The following LRRC71 variants were observed in gnomAD, a reference collection of about 807,000 sequenced individuals.
LRRC71 encodes the protein leucine rich repeat containing 71, also known as leucine-rich repeat-containing protein 71.
Under a neutral mutation model 66.6 loss-of-function variants are expected in LRRC71, and 54 were observed. That is an observed-to-expected ratio of 0.81 (90% CI 0.65 to 1.02). The LOEUF (loss-of-function observed/expected upper bound fraction) is 1.02. Ranked by LOEUF, LRRC71 falls within the 50% of genes least tolerant of loss-of-function variation. LRRC71 has a pLI of 0.00. For missense variants in LRRC71, 724 were observed against 718.0 expected (o/e 1.01, Z -0.10); for synonymous variants, 323 against 303.9 (o/e 1.06, Z -0.65).
At chr1:156,929,004 T>C (rs1476465836) in intron 9 of LRRC71, among the ~76,000 whole-genome samples, 1 of 152,176 alleles carries the variant, frequency 6.6e-6, no homozygotes, top group South Asian at 2.1e-4. Context: ...GGCACTTAGC[T>C]CAATAAAAGC....
chr1:156,933,704 TC>T (rs1315473794), downstream of LRRC71, among the ~76,000 whole-genome samples: 1 of 152,164 alleles, frequency 6.6e-6, no homozygotes, highest in East Asian at 1.9e-4. Flanking sequence ...CAGTGCTGCC[TC>T]CATTGAGGTC....
At chr1:156,925,127 G>T in intron 5 of LRRC71, 112 bp downstream of exon 5, 1 of 966,268 alleles carries the variant, frequency 1.0e-6, no homozygotes, top group Non-Finnish European at 1.6e-6. Flanking sequence ...GGCCTGCCTG[G>T]CATCCCTGTG....
chr1:156,938,346 G>T, the LRRC71 span: 1 of 1,413,376 alleles, frequency 7.1e-7, no homozygotes. Flanking sequence ...ATGGGCAGGG[G>T]TCCGACTCTG....
chr1:156,924,440 G>A lies in LRRC71; in HGVS notation c.327G>A (p.Ser109=), dbSNP rs908143583. 20 of 1,550,680 alleles carry A rather than the reference G, an allele frequency of 1.3e-5. No homozygotes were observed. In the African/African-American group the frequency reaches 2.3e-4, roughly 18 times the overall value. ...EKATLDDPRL[S]GSCSLNSLES... ...GCCTTCCAGACGATCCGCGGCTGTC[G>A]GGGTCCTGCAGCCTCAATAGCCTGG... The change falls in exon 3 of 15, where the codon TCG becomes TCA. Residue 109 remains serine (S), a synonymous_variant. Coordinates refer to ENST00000337428, the MANE Select transcript of LRRC71 (RefSeq NM_144702.3).
downstream of LRRC71, chr1:156,935,167 G>A (rs1199847717): frequency 6.6e-6 from 1 of 152,454 alleles, no homozygotes; most frequent in African/African-American, 2.4e-5. Flanking sequence ...TGCTTCACTG[G>A]TTTTCTACAG....
Position 156,931,929 on chromosome 1 carries a change from C to A in LRRC71, c.1343C>A (p.Ala448Asp). Reference protein sequence around the residue: ...ILLESELVVEATEVVNPLLEP... With the variant: ...ILLESELVVEDTEVVNPLLEP... Reference sequence around the variant, plus strand: ...CTGCTTTAGCAGCTGGTTGTTGAGGCTACTGAGGTGGTCAACCCTCTCCTG... The same window carrying A: ...CTGCTTTAGCAGCTGGTTGTTGAGGATACTGAGGTGGTCAACCCTCTCCTG... The change falls in exon 13 of 15, where the codon GCT becomes GAT. Residue 448 changes from alanine (A) to aspartate (D), a missense_variant. Transcript: ENST00000337428. The A allele has an allele frequency of 1.9e-6, 3 of 1,588,048 alleles. No homozygotes were observed. The East Asian group carries it at 6.8e-5, about 36-fold the overall frequency.
intron 5 of LRRC71, 156 bp from the exon 6 acceptor site, chr1:156,927,046 G>T: frequency 1.5e-6 from 1 of 680,876 alleles, no homozygotes; most frequent in Non-Finnish European, 2.5e-6. Context: ...TGAATTTTTA[G>T]TCTGGGGAAT....
downstream of LRRC71, chr1:156,937,271 G>A (rs1402916016): frequency 2.2e-5 from 36 of 1,613,896 alleles, no homozygotes; most frequent in Middle Eastern, 1.6e-4. Flanking sequence ...GAGCTTGAGA[G>A]TGAGCTGCTC....
chr1:156,929,560 C>G, intron 10 of LRRC71, 76 bp from the exon 11 acceptor site: 1 of 1,535,610 alleles, frequency 6.5e-7, no homozygotes, highest in Non-Finnish European at 8.8e-7. Context: ...CGGGTCCTAA[C>G]CTGGGCTCCT....
rs1348064796 is a variant in LRRC71 at position 156,927,651 on chromosome 1, C to T, written c.818C>T (p.Ala273Val). 6.2e-7 allele frequency: 1 copy of T among 1,606,506 alleles called. No individual in the cohort carries two copies. Among genetic ancestry groups the T allele is most frequent in the Non-Finnish European group, 8.5e-7 (1 of 1,177,474 alleles). Reference sequence around the variant, plus strand: ...GGTGACGAGGGCGCAGGCTACATCGCGGACGTGAGTGCACGGCGGGGAGGG... The same window carrying T: ...GGTGACGAGGGCGCAGGCTACATCGTGGACGTGAGTGCACGGCGGGGAGGG... ...HIGDEGAGYI[A>V]DGLRLNRSLL... The change falls in exon 7 of 15, where the codon GCG (alanine) becomes GTG (valine). Residue 273 changes from alanine to valine, a missense_variant. By Grantham distance (64) the Ala-to-Val change is moderately conservative (BLOSUM62 0). Transcript: ENST00000337428.
At chr1:156,935,936 C>A (rs558618846), downstream of LRRC71, 7 of 1,543,196 alleles carry the variant, frequency 4.5e-6, no homozygotes, top group African/African-American at 2.7e-5. Flanking sequence ...CTACCCTGTG[C>A]CCCGGTCTCA....
chr1:156,924,590 C>T (rs770196563), intron 3 of LRRC71, 38 bp downstream of exon 3: 44 of 1,542,340 alleles, frequency 2.9e-5, no homozygotes, highest in African/African-American at 1.6e-4. Context: ...AGCTCCCTCC[C>T]GCTCCCCTGG....
At chr1:156,929,894 C>T (rs1253358806) in intron 11 of LRRC71, among the ~76,000 whole-genome samples, 165 bp downstream of exon 11, 5 of 152,130 alleles carry the variant, frequency 3.3e-5, no homozygotes, top group African/African-American at 7.2e-5. Flanking sequence ...TGTGGAGAGC[C>T]GCATCCAGCC....
At chr1:156,927,884 C>G (rs1653474581) in intron 8 of LRRC71, 31 bp from the exon 9 acceptor site, 2 of 1,610,078 alleles carry the variant, frequency 1.2e-6, no homozygotes, top group Admixed American at 1.7e-5. Flanking sequence ...ACTACCCAGG[C>G]GTCCGACCGC....
In LRRC71 at chr1:156,923,956, C is replaced by G; in HGVS notation, c.168C>G (p.Tyr56Ter). ...CCCTGCCTGCCCCCGCAGAGGAGTA[C>G]CAGTGCTCCGGGGTCCTCGAGACCG... ...GEEEPKSPEE[Y>*]QCSGVLETDF... The change falls in exon 2 of 15, where the codon TAC (tyrosine) becomes TAG (stop). Residue 56 changes from tyrosine (Y) to a stop codon, truncating the protein, a stop_gained. Coordinates refer to ENST00000337428, the MANE Select transcript of LRRC71 (RefSeq NM_144702.3). LOFTEE classifies it high-confidence loss of function. 6.6e-7 allele frequency: 1 copy of G among 1,515,250 alleles called. No individual in the cohort carries two copies. The highest frequency in any genetic ancestry group is 8.9e-7 in the Non-Finnish European group (1 of 1,128,124). The allele number at this position is 1,515,250 out of a possible 1,614,324, so 93.9% of individuals were successfully genotyped here.
downstream of LRRC71, chr1:156,936,926 A>C: frequency 1.2e-6 from 2 of 1,613,978 alleles, no homozygotes; most frequent in Non-Finnish European, 1.7e-6. Context: ...TTCTGTGTGG[A>C]AACTGCCCAC....
chr1:156,939,873 C>CG, the LRRC71 span: 1 of 1,609,310 alleles, frequency 6.2e-7, no homozygotes, highest in Non-Finnish European at 8.5e-7. Context: ...TGTGACCTGG[C>CG]AGCAGGCTCC....
downstream of LRRC71, among the ~76,000 whole-genome samples, chr1:156,937,858 CT>C (rs1269363533): frequency 1.3e-5 from 2 of 152,330 alleles, no homozygotes; most frequent in East Asian, 3.9e-4. Context: ...GGCAGCAGCC[CT>C]CTTGCCCTGC....
At chr1:156,931,532 T>A (rs944614490) in intron 12 of LRRC71, among the ~76,000 whole-genome samples, 2 of 152,194 alleles carry the variant, frequency 1.3e-5, no homozygotes, top group African/African-American at 4.8e-5. Flanking sequence ...CTTAGTAAAA[T>A]CTGAATGCGA....
Sources: allele counts gnomAD v4.1 joint callset (sites outside exome capture counted in the v4.1 genomes callset), GRCh38; gene constraint gnomAD v4.1.1; transcripts MANE v1.5; gene names NCBI Gene and HGNC (gene_info 2026-07-23, HGNC 2026-07-21).